The following SLC17A6 variants were observed in gnomAD, a reference collection of about 807,000 sequenced individuals.
SLC17A6 encodes vesicular glutamate transporter 2.
Under a neutral mutation model 67.1 loss-of-function variants are expected in SLC17A6, and 35 were observed. That is an observed-to-expected ratio of 0.52 (90% CI 0.40 to 0.69). The LOEUF (loss-of-function observed/expected upper bound fraction) is 0.69, where lower values mean the gene tolerates loss of function less well. Ranked by LOEUF, SLC17A6 falls within the 30% of genes least tolerant of loss-of-function variation. The probability of loss-of-function intolerance (pLI) is 0.00; values close to 1 mark genes in which losing one functional copy is unlikely to be tolerated. For synonymous variants in SLC17A6, 285 were observed against 252.3 expected (o/e 1.13, Z -1.23); for missense variants, 588 against 723.9 (o/e 0.81, Z 2.15).
At chr11:22,346,575 T>TG (rs902986512) in intron 3 of SLC17A6, among the ~76,000 whole-genome samples, 4 of 151,584 alleles carry the variant, frequency 2.6e-5, no homozygotes, top group East Asian at 1.9e-4. Context: ...GGCCTTAGGG[T>TG]GGGGGGTCAA....
intron 1 of SLC17A6, among the ~76,000 whole-genome samples, chr11:22,339,106 ATATATATATGT>A (rs1260894641): frequency 1.8e-5 from 2 of 108,746 alleles, no homozygotes; most frequent in Admixed American, 1.1e-4. Flanking sequence ...TATATATGTT[ATATATATATGT>A]TATATATATA....
intron 3 of SLC17A6, among the ~76,000 whole-genome samples, chr11:22,348,101 G>C (rs1302266944): frequency 6.6e-6 from 1 of 152,152 alleles, no homozygotes; most frequent in African/African-American, 2.4e-5. Flanking sequence ...AGAGAACTGA[G>C]GGAGTAGTGA....
At chr11:22,343,084 C>G (rs1221589747) in intron 2 of SLC17A6, 163 bp from the exon 3 acceptor site, 4 of 711,530 alleles carry the variant, frequency 5.6e-6, no homozygotes, top group Non-Finnish European at 7.5e-6. Context: ...TTTTTCGTTG[C>G]AAGAGGCAAT....
At chr11:22,348,292 T>C (rs1331475805) in intron 3 of SLC17A6, among the ~76,000 whole-genome samples, 5 of 152,158 alleles carry the variant, frequency 3.3e-5, no homozygotes, top group African/African-American at 9.7e-5. Flanking sequence ...CAATCTATCA[T>C]GCCCCAAATC....
intron 3 of SLC17A6, among the ~76,000 whole-genome samples, chr11:22,358,493 A>C (rs1856015043): frequency 6.6e-6 from 1 of 152,030 alleles, no homozygotes; most frequent in South Asian, 2.1e-4. Context: ...ACAACCAGCT[A>C]ATTATTTGTA....
At chr11:22,343,040 A>T (rs1329971644) in intron 2 of SLC17A6, 8 of 620,098 alleles carry the variant, frequency 1.3e-5, no homozygotes, top group Non-Finnish European at 2.3e-5. Flanking sequence ...TGGCCTCACT[A>T]TTAATCACAA....
chr11:22,352,228 A>C (rs781492775), intron 3 of SLC17A6, among the ~76,000 whole-genome samples: 2 of 152,178 alleles, frequency 1.3e-5, no homozygotes, highest in Non-Finnish European at 2.9e-5. Flanking sequence ...GTTCTTTGCA[A>C]GATGCAAGAC....
intron 7 of SLC17A6, among the ~76,000 whole-genome samples, chr11:22,366,092 T>A (rs1209008417): frequency 6.6e-6 from 1 of 152,084 alleles, no homozygotes. Context: ...CCTGAACAGA[T>A]CTATTCCAAG....
chr11:22,360,267 G>C (rs1394027848), intron 4 of SLC17A6, among the ~76,000 whole-genome samples: 2 of 152,034 alleles, frequency 1.3e-5, no homozygotes, highest in Non-Finnish European at 2.9e-5. Context: ...ATAAATGGGA[G>C]CTGAACAATG....
chr11:22,355,378 C>G (rs1855984126), intron 3 of SLC17A6, among the ~76,000 whole-genome samples: 1 of 152,054 alleles, frequency 6.6e-6, no homozygotes, highest in African/African-American at 2.4e-5. Flanking sequence ...TTATATCAGC[C>G]TTTCCCCCCA....
intron 3 of SLC17A6, among the ~76,000 whole-genome samples, chr11:22,345,147 G>A (rs1182592140): frequency 6.6e-6 from 1 of 151,696 alleles, no homozygotes; most frequent in Admixed American, 6.6e-5. Context: ...AAACACCAGG[G>A]ATGCTCCAGC....
chr11:22,346,758 T>C (rs1855880860), intron 3 of SLC17A6, among the ~76,000 whole-genome samples: 1 of 150,460 alleles, frequency 6.6e-6, no homozygotes, highest in Non-Finnish European at 1.5e-5. Context: ...TACCCTGTAT[T>C]TAAATTGCTG....
rs1425043724 is a variant in SLC17A6 at position 22,338,529 on chromosome 11, C to T, written c.-5C>T. ...TGGCAAGAACTGACAACAGTCTTTG[C>T]AAGAATGGAATCCGTAAAACAAAGG... On this transcript the variant is annotated 5_prime_UTR_variant, in exon 1 of 12. Coordinates refer to ENST00000263160, the MANE Select transcript of SLC17A6 (RefSeq NM_020346.3). The T allele has an allele frequency of 3.7e-6, 6 of 1,607,818 alleles. No homozygotes were observed. Among genetic ancestry groups the T allele is most frequent in the South Asian group, 1.1e-5 (1 of 90,750 alleles).
intron 3 of SLC17A6, among the ~76,000 whole-genome samples, chr11:22,352,466 G>T (rs1239286658): frequency 6.6e-6 from 1 of 152,176 alleles, no homozygotes; most frequent in African/African-American, 2.4e-5. Context: ...ATAGAAGAAA[G>T]ATCTGTTATC....
At chr11:22,373,785 GT>G (rs1856200042) in intron 8 of SLC17A6, among the ~76,000 whole-genome samples, 1 of 152,134 alleles carries the variant, frequency 6.6e-6, no homozygotes, top group Non-Finnish European at 1.5e-5. Context: ...TTAACCTACT[GT>G]GGAGTCATTT....
intron 8 of SLC17A6, among the ~76,000 whole-genome samples, chr11:22,372,996 C>T (rs185636508): frequency 5.3e-5 from 8 of 152,210 alleles, no homozygotes. Context: ...AATGTTAAAT[C>T]AATATGCTAA....
At chr11:22,346,260 C>A (rs1289782098) in intron 3 of SLC17A6, among the ~76,000 whole-genome samples, 1 of 152,126 alleles carries the variant, frequency 6.6e-6, no homozygotes, top group Non-Finnish European at 1.5e-5. Flanking sequence ...GAGAGAAGGG[C>A]TCCTGGCTAC....
Position 22,359,590 on chromosome 11 carries a change from CTTT to C in SLC17A6, c.573+64_573+66del, listed in dbSNP as rs1856027096. The stretch of plus-strand genomic sequence containing the variant: ...ATTTGGTTGAGAACCACCAGTTTAT[CTTT>C]GTCTTTATCTGTAAATAAATATATT... On this transcript the variant is annotated intron_variant, in intron 4 of 11. Coordinates refer to ENST00000263160, the MANE Select transcript of SLC17A6 (RefSeq NM_020346.3). 1.6e-5 allele frequency: 16 copies of C among 973,490 alleles called. No individual in the cohort carries two copies. In the East Asian group the frequency reaches 4.3e-4, roughly 26 times the overall value. 60.3% of individuals were successfully genotyped at this position (973,490 alleles called of 1,614,324 possible).
chr11:22,376,093 G>C lies in SLC17A6; in HGVS notation c.1285+1G>C. ...GGATTCAGTGGATTTGCTATATCTG[G>C]TAAGATATAATTTTTTTTCTTTGTA... On this transcript the variant is annotated splice_donor_variant, in intron 10 of 11. Coordinates refer to ENST00000263160, the MANE Select transcript of SLC17A6 (RefSeq NM_020346.3). LOFTEE classifies it high-confidence loss of function. The C allele has an allele frequency of 6.3e-7, 1 of 1,598,956 alleles. No homozygotes were observed. The highest frequency in any genetic ancestry group is 8.6e-7 in the Non-Finnish European group (1 of 1,168,990).
Sources: allele counts gnomAD v4.1 joint callset (sites outside exome capture counted in the v4.1 genomes callset), GRCh38; gene constraint gnomAD v4.1.1; transcripts MANE v1.5; gene names NCBI Gene and HGNC (gene_info 2026-07-23, HGNC 2026-07-21).